PLPP4: variants seen among roughly 807,000 people sequenced by gnomAD.
The protein encoded by PLPP4 is diacylglycerol pyrophosphate like 2.
A neutral mutation model predicts 32.2 loss-of-function variants in PLPP4; 20 were observed. The ratio of observed to expected loss-of-function variants is 0.62; its 90% CI spans 0.44 to 0.90. The LOEUF is 0.90. PLPP4 is among the 40% of genes least tolerant of loss of function. The pLI, the probability that PLPP4 is intolerant of heterozygous loss-of-function variation, is 0.00. For synonymous variants in PLPP4, 127 were observed against 133.0 expected, an observed-to-expected ratio of 0.95 and a Z score of 0.31; for missense variants, 257 against 353.1, an observed-to-expected ratio of 0.73 and a Z score of 2.18.
chr10:120,476,462 A>G (rs1308613941), intron 1 of PLPP4, among the ~76,000 whole-genome samples: 3 of 152,196 alleles, frequency 2.0e-5, no homozygotes, highest in Non-Finnish European at 2.9e-5. Flanking sequence ...GAAGGAAGTC[A>G]TTTGCCCATA....
intron 1 of PLPP4, among the ~76,000 whole-genome samples, chr10:120,487,644 G>A (rs796191360): frequency 1.3e-4 from 20 of 152,298 alleles, no homozygotes; most frequent in African/African-American, 4.8e-4. Context: ...TATGTTAAGT[G>A]TATAATTCAG....
chr10:120,551,732 A>C (rs145845665), intron 5 of PLPP4, among the ~76,000 whole-genome samples: 1 of 152,300 alleles, frequency 6.6e-6, no homozygotes, highest in East Asian at 1.9e-4. Flanking sequence ...GTAACGGATT[A>C]TTCTGAGGTG....
At chr10:120,528,858 A>AC (rs1213627178) in intron 5 of PLPP4, among the ~76,000 whole-genome samples, 1 of 152,070 alleles carries the variant, frequency 6.6e-6, no homozygotes, top group African/African-American at 2.4e-5. Context: ...ATAATTCCCC[A>AC]CCATAAAATG....
At chr10:120,506,251 A>G (rs1470982850) in intron 2 of PLPP4, among the ~76,000 whole-genome samples, 1 of 152,228 alleles carries the variant, frequency 6.6e-6, no homozygotes, top group Admixed American at 6.5e-5. Context: ...TGGTCACACG[A>G]TTTAGTACAA....
chr10:120,588,145 A>G (rs1849845940), intron 6 of PLPP4, among the ~76,000 whole-genome samples: 1 of 152,234 alleles, frequency 6.6e-6, no homozygotes, highest in Non-Finnish European at 1.5e-5. Context: ...AGAGTTTCAA[A>G]TTTTTTTGTT....
rs1849500145 is a variant in PLPP4 at position 120,581,333 on chromosome 10, G to A, written c.616+6032G>A. 3.1e-6 allele frequency: 3 copies of A among 983,174 alleles called. No individual in the cohort carries two copies. The South Asian group carries it at 1.4e-4, about 46-fold the overall frequency. The allele number at this position is 983,174 out of a possible 1,614,324, so 60.9% of individuals were successfully genotyped here. A position where few individuals can be genotyped will look rare whatever the true frequency, so the allele number is the denominator to read the frequency against. The stretch of plus-strand genomic sequence containing the variant: ...ACTCCAACTTTTCCTTCCCACTCTG[G>A]TCTAGTGATCCTCAGTTGTTGCCTG... On this transcript the variant is annotated intron_variant, in intron 6 of 6. Coordinates refer to ENST00000398250, the MANE Select transcript of PLPP4 (RefSeq NM_001030059.3).
chr10:120,582,301 C>T (rs2134075179), intron 6 of PLPP4, among the ~76,000 whole-genome samples: 1 of 152,294 alleles, frequency 6.6e-6, no homozygotes, highest in Middle Eastern at 3.4e-3. Context: ...CTTCTAGTAG[C>T]CCCAGATGTG....
chr10:120,576,816 G>A (rs1265326568), intron 6 of PLPP4, among the ~76,000 whole-genome samples: 1 of 152,212 alleles, frequency 6.6e-6, no homozygotes, highest in Non-Finnish European at 1.5e-5. Flanking sequence ...GAGATGGAAG[G>A]ATGGACAGAG....
chr10:120,535,320 T>C (rs935096235), intron 5 of PLPP4, among the ~76,000 whole-genome samples: 1 of 152,194 alleles, frequency 6.6e-6, no homozygotes, highest in African/African-American at 2.4e-5. Flanking sequence ...TTATTGTGAA[T>C]AGAAAACATA....
chr10:120,587,612 A>G (rs1849821960), intron 6 of PLPP4: 2 of 152,238 alleles, frequency 1.3e-5, no homozygotes, highest in African/African-American at 4.8e-5. Context: ...GAAATATGAA[A>G]ATATTGTCCC....
At chr10:120,570,558 A>G (rs1295431015) in intron 5 of PLPP4, among the ~76,000 whole-genome samples, 2 of 152,142 alleles carry the variant, frequency 1.3e-5, no homozygotes, top group Non-Finnish European at 2.9e-5. Context: ...GTTTTTTAAG[A>G]GTTTTCTTTT....
At chr10:120,494,424 C>T (rs1022246692) in intron 1 of PLPP4, among the ~76,000 whole-genome samples, 4 of 152,248 alleles carry the variant, frequency 2.6e-5, no homozygotes, top group East Asian at 1.9e-4. Context: ...GAGAGCTGCC[C>T]GCAGAATCTG....
In PLPP4 at chr10:120,503,548, G is replaced by A. The variant is rs1288693392; in HGVS notation, c.57-270G>A. On this transcript the variant is annotated intron_variant, in intron 1 of 6. Transcript: ENST00000398250. Reference sequence around the variant, plus strand: ...GTTTACTTTGGAACCCCAAGTCCTTGGAGTCTTTGTACACACAAAGCTACT... The same window carrying A: ...GTTTACTTTGGAACCCCAAGTCCTTAGAGTCTTTGTACACACAAAGCTACT... 4 of 1,603,008 alleles carry A rather than the reference G, an allele frequency of 2.5e-6. No individual in the cohort carries two copies. In the South Asian group the frequency reaches 3.4e-5, roughly 14 times the overall value.
chr10:120,532,451 T>C lies in PLPP4; in HGVS notation c.445+11356T>C, dbSNP rs369776749. Among the ~76,000 whole-genome samples, 147 of 152,250 alleles carry C rather than the reference T, an allele frequency of 9.7e-4. 2 individuals are homozygous for C. In the South Asian group the frequency reaches 0.027, roughly 28 times the overall value. On this transcript the variant is annotated intron_variant, in intron 5 of 6. Coordinates refer to ENST00000398250, the MANE Select transcript of PLPP4 (RefSeq NM_001030059.3). ...CAAGATCTTTATTTAAATAAATTCA[T>C]TTGAAATAAATTTCACATATGATTC...
intron 6 of PLPP4, among the ~76,000 whole-genome samples, chr10:120,584,333 AG>A (rs1168911296): frequency 1.3e-5 from 2 of 152,208 alleles, no homozygotes; most frequent in African/African-American, 4.8e-5. Flanking sequence ...TGCTTACCAT[AG>A]CTGCAAATTG....
At chr10:120,580,991 T>C (rs1589928110) in intron 6 of PLPP4, 1 of 1,288,714 alleles carries the variant, frequency 7.8e-7, no homozygotes, top group Non-Finnish European at 1.0e-6. Flanking sequence ...TGACTGCCCA[T>C]CTAAGTCCAC....
intron 1 of PLPP4, among the ~76,000 whole-genome samples, chr10:120,486,564 C>T (rs151107244): frequency 2.6e-5 from 4 of 152,296 alleles, no homozygotes; most frequent in South Asian, 4.1e-4. Context: ...CTCAGAACTG[C>T]GTGTGACACA....
In PLPP4 at chr10:120,474,272, T is replaced by A. The variant is rs570899108; in HGVS notation, c.56+16911T>A. 2.7e-4 allele frequency among the ~76,000 whole-genome samples: 41 copies of A among 152,240 alleles called. No individual in the cohort carries two copies. In the South Asian group the frequency reaches 5.8e-3, roughly 22 times the overall value. On this transcript the variant is annotated intron_variant, in intron 1 of 6. Transcript: ENST00000398250. ...ATTTTTTAGATACAAATTTATATTT[T>A]AAAAAAATTTATCATTTATCCATTT... is the stretch of plus-strand genomic sequence containing the variant.
At chr10:120,481,949 G>A (rs1471478977) in intron 1 of PLPP4, among the ~76,000 whole-genome samples, 2 of 152,180 alleles carry the variant, frequency 1.3e-5, no homozygotes, top group Admixed American at 6.5e-5. Flanking sequence ...TCCCACACAA[G>A]CTCTCTCTTT....
Sources: allele counts gnomAD v4.1 joint callset (sites outside exome capture counted in the v4.1 genomes callset), GRCh38; gene constraint gnomAD v4.1.1; transcripts MANE v1.5; gene names NCBI Gene and HGNC (gene_info 2026-07-23, HGNC 2026-07-21).